DNAH10: variants seen among roughly 807,000 people sequenced by gnomAD.
The protein encoded by DNAH10 is dynein axonemal heavy chain 10, also known as axonemal beta dynein heavy chain 10.
A neutral mutation model predicts 506.6 loss-of-function variants in DNAH10; 348 were observed. That is an observed-to-expected ratio of 0.69 (90% CI 0.63 to 0.75). DNAH10 has a LOEUF of 0.75. Among genes scored for constraint, DNAH10 ranks in the 30% least tolerant of loss-of-function variants. The pLI is 0.00. For synonymous variants in DNAH10, 2,059 were observed against 2,198.6 expected (o/e 0.94, Z 1.78); for missense variants, 5,179 against 5,787.1 (o/e 0.89, Z 3.41).
rs962545974 is a variant in DNAH10, at chr12:123,769,208, C to T, written c.298+1519C>T. On this transcript the variant is annotated intron_variant, in intron 2 of 78. Transcript: ENST00000673944. ...TCACCCAGGCTGGAGTGCAATGGTGCGATCTCGGCTTGCTGCAACCTCCTC... is the reference window on the plus strand; with the variant it reads ...TCACCCAGGCTGGAGTGCAATGGTGTGATCTCGGCTTGCTGCAACCTCCTC... 2.0e-5 allele frequency among the ~76,000 whole-genome samples: 3 copies of T among 151,164 alleles called. 1 individual carries two copies. The South Asian group carries it at 6.3e-4, about 32-fold the overall frequency.
rs1477183436 is a variant in DNAH10 at position 123,813,304 on chromosome 12, A to G, written c.3285A>G (p.Gln1095=). The change falls in exon 20 of 79, where the codon CAA becomes CAG. Residue 1095 remains glutamine, a synonymous_variant. Transcript: ENST00000673944. ...QIIEQAVMIP[Q]NVHRILINLM... is the part of the protein sequence containing the mutation. Reference sequence around the variant, plus strand: ...TTGAACAAGCTGTTATGATCCCCCAAAATGTCCACAGGATTCTGATCAATC... The same window carrying G: ...TTGAACAAGCTGTTATGATCCCCCAGAATGTCCACAGGATTCTGATCAATC... 6.2e-7 allele frequency: 1 copy of G among 1,614,206 alleles called. No homozygotes were observed. Among genetic ancestry groups the G allele is most frequent in the Admixed American group, 1.7e-5 (1 of 60,018 alleles).
chr12:123,804,091 T>A (rs982969270), intron 17 of DNAH10, among the ~76,000 whole-genome samples: 1 of 152,186 alleles, frequency 6.6e-6, no homozygotes, highest in African/African-American at 2.4e-5. Flanking sequence ...GAGGGCTCAC[T>A]ATGTTGCCCA....
In DNAH10 at chr12:123,791,663, A is replaced by C. The variant is rs536238401; in HGVS notation, c.1815+1542A>C. On this transcript the variant is annotated intron_variant, in intron 11 of 78. Coordinates refer to ENST00000673944, the MANE Select transcript of DNAH10 (RefSeq NM_001372106.1). ...GTGATCCTGGCTCACTGCAGCTTCA[A>C]CCTTCTGGGCTCAAGTGATCCTTCC... Among the ~76,000 whole-genome samples, 3 of 152,134 alleles carry C rather than the reference A, an allele frequency of 2.0e-5. No homozygotes were observed. In the South Asian group the frequency reaches 6.2e-4, roughly 32 times the overall value.
intron 9 of DNAH10, among the ~76,000 whole-genome samples, 190 bp downstream of exon 9, chr12:123,786,126 G>A (rs531120598): frequency 1.3e-4 from 19 of 151,954 alleles, no homozygotes; most frequent in Admixed American, 3.3e-4. Flanking sequence ...CCGAGGTGGC[G>A]GATTGCTTGA....
intron 18 of DNAH10, among the ~76,000 whole-genome samples, chr12:123,807,187 A>ACATC (rs3071663): frequency 0.018 from 2,656 of 145,756 alleles, 20 homozygotes; most frequent in African/African-American, 0.026. Context: ...ATTCATCCCC[A>ACATC]CATCCATCCA....
rs1238864794 is a variant in DNAH10 at position 123,927,985 on chromosome 12, T to C, written c.12106-402T>C. On this transcript the variant is annotated intron_variant, in intron 69 of 78. Coordinates refer to ENST00000673944, the MANE Select transcript of DNAH10 (RefSeq NM_001372106.1). ...ATTTGGGAGGGGACATGGTGATTGT[T>C]TTCCAGGCCTAGGGCCCTGAAGATC... 3 of 223,514 alleles carry C rather than the reference T, an allele frequency of 1.3e-5. No homozygotes were observed. In the South Asian group the frequency reaches 3.9e-4, roughly 29 times the overall value. The allele number at this position is 223,514 out of a possible 1,614,324, so 13.8% of individuals were successfully genotyped here. A position where few individuals can be genotyped will look rare whatever the true frequency, so the allele number is the denominator to read the frequency against.
rs1555302053 is a variant in DNAH10 at position 123,765,585 on chromosome 12, T to TATCTATCTATCTATCTA, written c.215-2007_215-2006insCTAATCTATCTATCTAT. Among the ~76,000 whole-genome samples the TATCTATCTATCTATCTA allele has an allele frequency of 4.3e-3, 660 of 152,106 alleles. 7 individuals carry two copies. Among genetic ancestry groups the TATCTATCTATCTATCTA allele is most frequent in the African/African-American group, 0.014 (592 of 41,458 alleles). On this transcript the variant is annotated intron_variant, in intron 1 of 78. Coordinates refer to ENST00000673944, the MANE Select transcript of DNAH10 (RefSeq NM_001372106.1). ...TACTTTATCTATCTATCTATCTATC[T>TATCTATCTATCTATCTA]ATCTATCTATCTATACATACCTCTA...
chr12:123,785,923 C>T lies in DNAH10; in HGVS notation c.1408C>T (p.Arg470Trp), dbSNP rs370924488. 1.1e-5 allele frequency: 17 copies of T among 1,610,414 alleles called. No homozygotes were observed. Among genetic ancestry groups the T allele is most frequent in the African/African-American group, 5.3e-5 (4 of 74,844 alleles). Residue 470 changes from arginine (R) to tryptophan (W), a missense_variant, in exon 9 of 79, where the codon CGG becomes TGG. Around this residue, in one of 3 missense-constraint regions of DNAH10, gnomAD observed 4,844 missense variants for 5,430.5 expected, o/e 0.89. Transcript: ENST00000673944. This position sits in a 1 kb window ranked among gnomAD's most constrained non-coding sequence, Gnocchi z 4.1. ...AERVCRVVNL[R>W]TLFKENRASA... ...GAGAGTCTGCCGAGTGGTCAACCTG[C>T]GGACTTTGTTCAAGTAAGAAGCCAT... is the stretch of plus-strand genomic sequence containing the variant.
intron 4 of DNAH10, 108 bp downstream of exon 4, chr12:123,773,050 C>T (rs1245150639): frequency 5.4e-6 from 4 of 746,162 alleles, no homozygotes. Context: ...TCACCTATGC[C>T]AAGCTCTCTT....
chr12:123,776,005 G>A (rs186877111), intron 5 of DNAH10, among the ~76,000 whole-genome samples: 56 of 152,234 alleles, frequency 3.7e-4, no homozygotes, highest in Non-Finnish European at 6.6e-4. Flanking sequence ...GGGAAAAGCC[G>A]CTTATAAAAC....
chr12:123,911,050 A>C (rs1439728899), intron 59 of DNAH10, among the ~76,000 whole-genome samples: 1 of 151,226 alleles, frequency 6.6e-6, no homozygotes, highest in Admixed American at 6.6e-5. Flanking sequence ...TACAAAAAAA[A>C]AGTTTTTTAA....
chr12:123,908,116 G>A (rs1224412656), intron 57 of DNAH10, among the ~76,000 whole-genome samples: 36 of 143,254 alleles, frequency 2.5e-4, no homozygotes, highest in African/African-American at 5.0e-4. Flanking sequence ...TCTCCTCCCT[G>A]TCTCTCTGTC....
At chr12:123,780,236 G>C (rs188758410) in intron 5 of DNAH10, among the ~76,000 whole-genome samples, 1 of 148,128 alleles carries the variant, frequency 6.8e-6, no homozygotes, top group East Asian at 2.1e-4. Context: ...GTGCGATCTC[G>C]GCTCCCTGCA....
intron 26 of DNAH10, among the ~76,000 whole-genome samples, chr12:123,831,854 G>A (rs945039963): frequency 2.0e-5 from 3 of 150,704 alleles, no homozygotes; most frequent in Admixed American, 6.6e-5. Flanking sequence ...GCAGTGAGCC[G>A]AGATCGCACC....
rs1279587284 is a variant in DNAH10 at position 123,903,962 on chromosome 12, T to C, written c.9815+849T>C. ...CCGAGAGGCTCCGTTCCTGGGTCAGTAATGGGCTTCCATTCTGGGCTCCCG... is the reference window on the plus strand; with the variant it reads ...CCGAGAGGCTCCGTTCCTGGGTCAGCAATGGGCTTCCATTCTGGGCTCCCG... On this transcript the variant is annotated intron_variant, in intron 57 of 78. Coordinates refer to ENST00000673944, the MANE Select transcript of DNAH10 (RefSeq NM_001372106.1). The surrounding 1 kb of genome is among the most constrained non-coding windows in gnomAD (Gnocchi z 4.6). Among the ~76,000 whole-genome samples the C allele has an allele frequency of 2.6e-5, 4 of 152,210 alleles. No homozygotes were observed. The highest frequency in any genetic ancestry group is 9.6e-5 in the African/African-American group (4 of 41,456).
chr12:123,793,829 A>G (rs910285441), intron 11 of DNAH10, 113 bp from the exon 12 acceptor site: 81 of 834,890 alleles, frequency 9.7e-5, no homozygotes, highest in Non-Finnish European at 1.2e-4. Context: ...TCCATTACTT[A>G]TGCCATAGAA....
chr12:123,840,644 T>C (rs1300783113), intron 29 of DNAH10, among the ~76,000 whole-genome samples: 1 of 152,170 alleles, frequency 6.6e-6, no homozygotes, highest in Non-Finnish European at 1.5e-5. Flanking sequence ...CATTTACTGT[T>C]CGCCTCTTTT....
chr12:123,909,283 C>G lies in DNAH10; in HGVS notation c.9838C>G (p.Gln3280Glu). ...EIRSFAKPPK[Q>E]VQTVCECILI... ...CAGGTCGTTTGCTAAGCCCCCGAAG[C>G]AGGTGCAGACGGTCTGCGAATGCAT... The change falls in exon 58 of 79, where the codon CAG becomes GAG. Residue 3280 changes from glutamine to glutamate, a missense_variant. Gln to Glu is a conservative substitution (Grantham distance 29). Transcript: ENST00000673944. This position sits in a 1 kb window ranked among gnomAD's most constrained non-coding sequence, Gnocchi z 5.4. The G allele has an allele frequency of 1.2e-6, 2 of 1,613,452 alleles. No individual in the cohort carries two copies. The highest frequency in any genetic ancestry group is 8.5e-7 in the Non-Finnish European group (1 of 1,179,752).
In DNAH10 at chr12:123,813,799, C is replaced by A. The variant is rs936260566; in HGVS notation, c.3667C>A (p.Leu1223Ile). The change falls in exon 21 of 79, where the codon CTC (leucine) becomes ATC (isoleucine). Residue 1223 changes from leucine to isoleucine, a missense_variant. By Grantham distance (5) the Leu-to-Ile change is conservative. This residue lies in a region of DNAH10 where 4,844 missense variants were observed against 5,430.5 expected (regional missense o/e 0.89). Transcript: ENST00000673944. ...GAAGATCCCCAATACCCTTGAAGAT[C>A]TCAAGTTTGTCCTTGCAACAATTGC... is the stretch of plus-strand genomic sequence containing the variant. ...LRKIPNTLED[L>I]KFVLATIAEI... 1 of 1,613,046 alleles carries A rather than the reference C, an allele frequency of 6.2e-7. No homozygotes were observed. Among genetic ancestry groups the A allele is most frequent in the African/African-American group, 1.3e-5 (1 of 74,872 alleles).
Sources: allele counts gnomAD v4.1 joint callset (sites outside exome capture counted in the v4.1 genomes callset), GRCh38; gene constraint gnomAD v4.1.1; regional missense constraint gnomAD v4.1.1; non-coding constraint Gnocchi (gnomAD v3.1); transcripts MANE v1.5; gene names NCBI Gene and HGNC (gene_info 2026-07-23, HGNC 2026-07-21).